The following PIK3C2G variants were observed in gnomAD, a reference collection of about 807,000 sequenced individuals.
PIK3C2G encodes the protein phosphatidylinositol 3-kinase C2 domain-containing subunit gamma.
Under a neutral mutation model 181.1 loss-of-function variants are expected in PIK3C2G, and 168 were observed. The observed-to-expected ratio is 0.93, with a 90% confidence interval of 0.82 to 1.05. PIK3C2G has a LOEUF of 1.05. PIK3C2G is among the 50% of genes least tolerant of loss of function. The pLI, the probability that PIK3C2G is intolerant of heterozygous loss-of-function variation, is 0.00. For missense variants in PIK3C2G, 1,869 were observed against 1,732.8 expected, an observed-to-expected ratio of 1.08 and a Z score of -1.40; for synonymous variants, 573 against 592.2, an observed-to-expected ratio of 0.97 and a Z score of 0.47.
intron 26 of PIK3C2G, among the ~76,000 whole-genome samples, chr12:18,561,611 A>AAAAAG (rs749158101): frequency 1.3e-5 from 2 of 152,224 alleles, no homozygotes; most frequent in Non-Finnish European, 2.9e-5. Context: ...AAGGGAACGA[A>AAAAAG]CAGTATGAAA....
At chr12:18,607,702 A>T (rs1235857414) in intron 30 of PIK3C2G, among the ~76,000 whole-genome samples, 6 of 152,188 alleles carry the variant, frequency 3.9e-5, no homozygotes, top group Non-Finnish European at 8.8e-5. Context: ...GGCAAATGGG[A>T]TCTAATTAAA....
the PIK3C2G span, chr12:18,719,647 T>C: frequency 1.3e-6 from 2 of 1,532,914 alleles, no homozygotes; most frequent in Non-Finnish European, 1.8e-6. Context: ...AAAAATAAAA[T>C]AAAATAAGTT....
chr12:18,719,340 T>G, the PIK3C2G span: 4 of 689,156 alleles, frequency 5.8e-6, no homozygotes, highest in East Asian at 1.3e-4. Flanking sequence ...AGAGTCTTCT[T>G]TTTATTGTGC....
chr12:18,523,667 C>A (rs1313135560), intron 24 of PIK3C2G, among the ~76,000 whole-genome samples: 1 of 152,182 alleles, frequency 6.6e-6, no homozygotes, highest in African/African-American at 2.4e-5. Flanking sequence ...AGACTTAATG[C>A]AAGCATTGAA....
chr12:18,371,344 C>A (rs961539504), intron 13 of PIK3C2G, 33 bp downstream of exon 13: 2 of 1,544,968 alleles, frequency 1.3e-6, no homozygotes, highest in Non-Finnish European at 1.8e-6. Context: ...ATAAGCCTAT[C>A]ATTTCAATAA....
intron 31 of PIK3C2G, among the ~76,000 whole-genome samples, chr12:18,634,205 A>G (rs192038611): frequency 1.5e-4 from 23 of 152,302 alleles, no homozygotes; most frequent in Admixed American, 7.2e-4. Context: ...GCCCATTGCC[A>G]TGCTCTTTTT....
chr12:18,510,739 A>C (rs1942153046), intron 24 of PIK3C2G, among the ~76,000 whole-genome samples: 1 of 152,100 alleles, frequency 6.6e-6, no homozygotes, highest in South Asian at 2.1e-4. Flanking sequence ...TATTTATGTT[A>C]TTTATGATTG....
intron 19 of PIK3C2G, 56 bp downstream of exon 19, chr12:18,488,685 A>G: frequency 9.1e-7 from 1 of 1,094,668 alleles, no homozygotes. Context: ...GCTTAAATTA[A>G]GTTTTAATTT....
At chr12:18,546,609 G>A (rs1944443084) in intron 26 of PIK3C2G, among the ~76,000 whole-genome samples, 177 bp downstream of exon 26, 1 of 152,008 alleles carries the variant, frequency 6.6e-6, no homozygotes, top group African/African-American at 2.4e-5. Context: ...CTAGCAGAAG[G>A]CCTTAGTCAG....
intron 24 of PIK3C2G, among the ~76,000 whole-genome samples, chr12:18,522,150 A>G (rs1015110887): frequency 2.0e-4 from 30 of 152,308 alleles, no homozygotes; most frequent in East Asian, 1.5e-3. Context: ...GTTCTTTTCA[A>G]TGGAAGCCTC....
chr12:18,338,647 G>A (rs1938787232), intron 9 of PIK3C2G, 99 bp downstream of exon 9: 1 of 780,994 alleles, frequency 1.3e-6, no homozygotes, highest in South Asian at 1.6e-5. Flanking sequence ...ATTTCCGTGT[G>A]TATGTTTGTG....
At chr12:18,463,588 G>T (rs1037868825) in intron 18 of PIK3C2G, among the ~76,000 whole-genome samples, 1 of 152,150 alleles carries the variant, frequency 6.6e-6, no homozygotes, top group African/African-American at 2.4e-5. Context: ...TCTAATGCAG[G>T]TGTTCATAAT....
At chr12:18,389,412 G>A (rs11044059) in intron 14 of PIK3C2G, among the ~76,000 whole-genome samples, 13 of 151,764 alleles carry the variant, frequency 8.6e-5, no homozygotes, top group East Asian at 5.8e-4. Context: ...AGCCATAGAA[G>A]GAGAAAGAAC....
intron 13 of PIK3C2G, 146 bp from the exon 14 acceptor site, chr12:18,381,620 G>T (rs947232964): frequency 7.2e-6 from 4 of 558,666 alleles, no homozygotes; most frequent in Non-Finnish European, 1.3e-5. Flanking sequence ...TAGGCTGGTG[G>T]ACTATCTCAT....
intron 5 of PIK3C2G, among the ~76,000 whole-genome samples, chr12:18,300,875 T>C (rs1950147532): frequency 6.6e-6 from 1 of 152,170 alleles, no homozygotes; most frequent in Non-Finnish European, 1.5e-5. Context: ...GCATTTCTTG[T>C]AAGTCTGGTT....
intron 24 of PIK3C2G, among the ~76,000 whole-genome samples, chr12:18,510,963 A>C (rs1942167019): frequency 6.6e-6 from 1 of 151,976 alleles, no homozygotes; most frequent in Non-Finnish European, 1.5e-5. Flanking sequence ...GAAACTTTAT[A>C]CTCTTTGATC....
At chr12:18,464,854 T>G (rs572667258) in intron 18 of PIK3C2G, among the ~76,000 whole-genome samples, 3 of 152,154 alleles carry the variant, frequency 2.0e-5, no homozygotes, top group South Asian at 4.1e-4. Flanking sequence ...TTGGATGCCA[T>G]GAATATTTAT....
intron 25 of PIK3C2G, among the ~76,000 whole-genome samples, chr12:18,539,662 G>A (rs931354966): frequency 1.3e-5 from 2 of 151,864 alleles, no homozygotes; most frequent in Non-Finnish European, 2.9e-5. Context: ...AGTTCCATTG[G>A]TTAGTACAGA....
intron 16 of PIK3C2G, among the ~76,000 whole-genome samples, chr12:18,417,566 T>C (rs988198991): frequency 6.6e-6 from 1 of 152,166 alleles, no homozygotes; most frequent in Non-Finnish European, 1.5e-5. Context: ...GGCATCAACA[T>C]GGACCGAACA....
Sources: allele counts gnomAD v4.1 joint callset (sites outside exome capture counted in the v4.1 genomes callset), GRCh38; gene constraint gnomAD v4.1.1; transcripts MANE v1.5; gene names NCBI Gene and HGNC (gene_info 2026-07-23, HGNC 2026-07-21).